The following NAT10 variants were observed in gnomAD, a reference collection of about 807,000 sequenced individuals.
NAT10 encodes RNA cytidine acetyltransferase.
In NAT10, 109 loss-of-function variants were observed where a neutral mutation model predicts 132.2. The ratio of observed to expected loss-of-function variants is 0.82; its 90% confidence interval spans 0.71 to 0.97. The LOEUF (loss-of-function observed/expected upper bound fraction) is 0.97. NAT10 is among the 50% of genes least tolerant of loss of function. NAT10 has a pLI of 0.00. For synonymous variants in NAT10, 479 were observed against 478.0 expected (o/e 1.00, Z -0.03); for missense variants, 1,184 against 1,263.4 (o/e 0.94, Z 0.95).
chr11:34,130,716 T>C, intron 12 of NAT10, 97 bp from the exon 13 acceptor site: 1 of 1,434,108 alleles, frequency 7.0e-7, no homozygotes, highest in Non-Finnish European at 9.6e-7. Flanking sequence ...GAAGCAGGGG[T>C]CTGGTGTTTC....
chr11:34,112,226 G>T lies in NAT10; in HGVS notation c.372+3G>T, dbSNP rs1415449850. 6.2e-7 allele frequency: 1 copy of T among 1,614,190 alleles called. No homozygotes were observed. Among genetic ancestry groups the T allele is most frequent in the Non-Finnish European group, 8.5e-7 (1 of 1,180,026 alleles). Reference sequence around the variant, plus strand: ...CCTTCGGCATGTGTGTGCTGCAGGTGGGTGGCTTCCTCTAACCTGTGATTG... The same window carrying T: ...CCTTCGGCATGTGTGTGCTGCAGGTTGGTGGCTTCCTCTAACCTGTGATTG... On this transcript the variant is annotated splice_donor_region_variant and intron_variant, in intron 4 of 28. Coordinates refer to ENST00000257829, the MANE Select transcript of NAT10 (RefSeq NM_024662.3).
At chr11:34,130,182 A>G (rs1454190472) in intron 12 of NAT10, among the ~76,000 whole-genome samples, 7 of 152,226 alleles carry the variant, frequency 4.6e-5, no homozygotes, top group Admixed American at 4.6e-4. Context: ...AAAGACAAGG[A>G]GAAGAAAACT....
intron 16 of NAT10, 149 bp from the exon 17 acceptor site, chr11:34,134,170 G>T: frequency 1.5e-6 from 1 of 669,740 alleles, no homozygotes; most frequent in Non-Finnish European, 2.7e-6. Flanking sequence ...TCTCAAAAGA[G>T]CGGGGGGAAT....
intron 8 of NAT10, among the ~76,000 whole-genome samples, chr11:34,118,861 C>T (rs979129930): frequency 2.3e-4 from 35 of 152,150 alleles, no homozygotes; most frequent in Admixed American, 1.5e-3. Context: ...TCTCCTGCCT[C>T]AACCTCCTAA....
chr11:34,111,985 C>G (rs1227272753), intron 3 of NAT10, 67 bp from the exon 4 acceptor site: 1 of 1,583,036 alleles, frequency 6.3e-7, no homozygotes, highest in Non-Finnish European at 8.6e-7. Flanking sequence ...GAGCCTTTCC[C>G]CTGGTTCCAG....
Position 34,134,561 on chromosome 11 carries a change from T to C in NAT10, c.1886T>C (p.Ile629Thr), listed in dbSNP as rs1852174240. The C allele has an allele frequency of 4.3e-6, 7 of 1,614,166 alleles. No individual in the cohort carries two copies. The highest frequency in any genetic ancestry group is 3.3e-4 in the Middle Eastern group (2 of 6,062). ...CTGTCTGGTGGAAGGGTCGTTCGCA[T>C]TGCTGTTCACCCAGATTATCAAGGG... ...GGLSGGRVVR[I>T]AVHPDYQGMG... Residue 629 changes from isoleucine to threonine, a missense_variant, in exon 18 of 29, where the codon ATT (isoleucine) becomes ACT (threonine). Ile to Thr is a moderately conservative substitution (Grantham distance 89). Transcript: ENST00000257829.
At chr11:34,145,254 T>C (rs1205706975) in intron 28 of NAT10, among the ~76,000 whole-genome samples, 1 of 152,178 alleles carries the variant, frequency 6.6e-6, no homozygotes, top group Non-Finnish European at 1.5e-5. Flanking sequence ...AACAAACCAG[T>C]GTTGTGTGGT....
At chr11:34,126,947 A>T (rs892005824) in intron 11 of NAT10, among the ~76,000 whole-genome samples, 1 of 151,996 alleles carries the variant, frequency 6.6e-6, no homozygotes, top group Non-Finnish European at 1.5e-5. Flanking sequence ...CCATCAGAGC[A>T]GGGAGCACAG....
chr11:34,120,153 T>TG (rs1367190956), intron 8 of NAT10, among the ~76,000 whole-genome samples: 3 of 149,498 alleles, frequency 2.0e-5, no homozygotes, highest in Non-Finnish European at 3.0e-5. Flanking sequence ...GTTTTTTTTT[T>TG]TTTTTTTTTT....
At chr11:34,142,402 C>G in intron 27 of NAT10, 54 bp downstream of exon 27, 1 of 1,504,808 alleles carries the variant, frequency 6.6e-7, no homozygotes, top group Non-Finnish European at 9.2e-7. Flanking sequence ...CCCTAAGAAT[C>G]TGCCTACACG....
intron 15 of NAT10, among the ~76,000 whole-genome samples, chr11:34,132,787 G>A (rs1184076223): frequency 6.6e-6 from 1 of 152,144 alleles, no homozygotes; most frequent in Non-Finnish European, 1.5e-5. Flanking sequence ...CTCTTCTTCT[G>A]TCCAGCCTCA....
chr11:34,136,638 C>G lies in NAT10; in HGVS notation c.2029-4C>G. On this transcript the variant is annotated splice_polypyrimidine_tract_variant and splice_region_variant and intron_variant, in intron 19 of 28. Transcript: ENST00000257829. ...ACTGTGTTCTCTCCTTGGCATCTTC[C>G]CAGGCTGTCAGCTTGTTGGAAGAGG... The G allele has an allele frequency of 6.2e-7, 1 of 1,614,124 alleles. No homozygotes were observed. Among genetic ancestry groups the G allele is most frequent in the South Asian group, 1.1e-5 (1 of 91,076 alleles).
Position 34,135,279 on chromosome 11 carries a change from C to T in NAT10, c.2016C>T (p.Thr672=), listed in dbSNP as rs557956106. Residue 672 remains threonine, a synonymous_variant, in exon 19 of 29, where the codon ACC becomes ACT. Coordinates refer to ENST00000257829, the MANE Select transcript of NAT10 (RefSeq NM_024662.3). The stretch of plus-strand genomic sequence containing the variant: ...TTGAGACACCACAGGAAATTCACAC[C>T]GTAAGCAGCGAGGTAAGCATCTTTC... The part of the protein sequence containing the change: ...KVLETPQEIH[T]VSSEAVSLLE... The T allele has an allele frequency of 4.0e-5, 65 of 1,613,890 alleles. No individual in the cohort carries two copies. The South Asian group carries it at 5.4e-4, about 13-fold the overall frequency.
rs867140205 is a variant in NAT10 at position 34,121,443 on chromosome 11, G to A, written c.781-1016G>A. On this transcript the variant is annotated intron_variant, in intron 8 of 28. Coordinates refer to ENST00000257829, the MANE Select transcript of NAT10 (RefSeq NM_024662.3). ...TGAGGAGGCTTTGGCCCAAGCAGTT[G>A]AACAGTTAGATGGGGAAGACTAGGT... Among the ~76,000 whole-genome samples, 5 of 152,224 alleles carry A rather than the reference G, an allele frequency of 3.3e-5. 1 individual carries two copies. In the Middle Eastern group the frequency reaches 0.01, roughly 311 times the overall value.
In NAT10 at chr11:34,138,025, A is replaced by G. The variant is rs114440957; in HGVS notation, c.2211+999A>G. On this transcript the variant is annotated intron_variant, in intron 21 of 28. Transcript: ENST00000257829. ...GAACAGGCGACTCTTTCAGGAAGCG[A>G]AAGGGAGCAGAGAAACAAGGTCGCT... Among the ~76,000 whole-genome samples the G allele has an allele frequency of 1.5e-3, 225 of 152,332 alleles. 2 individuals are homozygous for G. Among genetic ancestry groups the G allele is most frequent in the African/African-American group, 5.2e-3 (218 of 41,576 alleles).
intron 12 of NAT10, among the ~76,000 whole-genome samples, chr11:34,127,976 CTT>C (rs963876093): frequency 6.6e-6 from 1 of 152,040 alleles, no homozygotes; most frequent in Admixed American, 6.6e-5. Flanking sequence ...CTCATAATGA[CTT>C]TTTTTAAAAT....
chr11:34,135,376 T>G (rs1852190024), intron 19 of NAT10, 85 bp downstream of exon 19: 1 of 1,095,640 alleles, frequency 9.1e-7, no homozygotes, highest in African/African-American at 1.6e-5. Flanking sequence ...CAAAAACCAG[T>G]CCAGAGCTTT....
rs1050646089 is a variant in NAT10 at position 34,136,792 on chromosome 11, C to T, written c.2162+17C>T. 1 of 1,614,012 alleles carries T rather than the reference C, an allele frequency of 6.2e-7. No homozygotes were observed. The highest frequency in any genetic ancestry group is 1.3e-5 in the African/African-American group (1 of 74,904). ...GCTCCTCAAGTAAGTGCCTGCCCTC[C>T]TTCCACGGCATCACTCCTTGGCATT... On this transcript the variant is annotated intron_variant, in intron 20 of 28. Transcript: ENST00000257829.
chr11:34,140,345 A>T (rs1013511085), intron 23 of NAT10, 55 bp from the exon 24 acceptor site: 156 of 1,544,196 alleles, frequency 1.0e-4, no homozygotes, highest in Non-Finnish European at 1.3e-4. Context: ...GCTGTGTGCT[A>T]TCTCATGAGG....
Sources: allele counts gnomAD v4.1 joint callset (sites outside exome capture counted in the v4.1 genomes callset), GRCh38; gene constraint gnomAD v4.1.1; transcripts MANE v1.5; gene names NCBI Gene and HGNC (gene_info 2026-07-23, HGNC 2026-07-21).